The following CYB5R4 variants were observed in gnomAD, a reference collection of about 807,000 sequenced individuals.
CYB5R4 encodes N-terminal cytochrome b5 and cytochrome b5 oxidoreductase domain-containing protein.
Under a neutral mutation model 70.2 loss-of-function variants are expected in CYB5R4, and 55 were observed. The ratio of observed to expected loss-of-function variants is 0.78; its 90% confidence interval spans 0.63 to 0.98. CYB5R4 has a LOEUF of 0.98. Ranked by LOEUF, CYB5R4 falls within the 50% of genes least tolerant of loss-of-function variation. The pLI, the probability that CYB5R4 is intolerant of heterozygous loss-of-function variation, is 0.00. For synonymous variants in CYB5R4, 197 were observed against 199.5 expected, an observed-to-expected ratio of 0.99 and a Z score of 0.11; for missense variants, 562 against 612.6, an observed-to-expected ratio of 0.92 and a Z score of 0.87.
chr6:83,899,056 A>G (rs536332116), intron 3 of CYB5R4, among the ~76,000 whole-genome samples: 2 of 152,224 alleles, frequency 1.3e-5, no homozygotes, highest in Non-Finnish European at 2.9e-5. Flanking sequence ...TTTCAAAGGG[A>G]ATGCTTCCAG....
In CYB5R4 at chr6:83,962,276, C is replaced by A. The variant is rs1342287128; in HGVS notation, c.*2398C>A. 1 of 152,140 alleles carries A rather than the reference C, an allele frequency of 6.6e-6. No homozygotes were observed. Among genetic ancestry groups the A allele is most frequent in the East Asian group, 1.9e-4 (1 of 5,192 alleles). The allele number at this position is 152,140 out of a possible 1,614,324, so 9.4% of individuals were successfully genotyped here. A position where few individuals can be genotyped will look rare whatever the true frequency, so the allele number is the denominator to read the frequency against. On this transcript the variant is annotated 3_prime_UTR_variant, in exon 16 of 16. Transcript: ENST00000369681. ...CAGTCCTGATCTCCTAAAATTCATT[C>A]TCCATTCCAGGGTATTCTAGAAGGA...
At chr6:83,897,164 G>A in intron 3 of CYB5R4, among the ~76,000 whole-genome samples, 1 of 151,662 alleles carries the variant, frequency 6.6e-6, no homozygotes, top group Non-Finnish European at 1.5e-5. Context: ...TGCGGTGTTT[G>A]GTTTTTTGTC....
intron 3 of CYB5R4, among the ~76,000 whole-genome samples, chr6:83,904,560 C>T (rs2099463479): frequency 6.6e-6 from 1 of 152,132 alleles, no homozygotes; most frequent in Non-Finnish European, 1.5e-5. Context: ...GTCTGAAGTC[C>T]AGTTTAAATC....
chr6:83,959,437 C>T (rs1295108929), intron 15 of CYB5R4, among the ~76,000 whole-genome samples: 1 of 152,044 alleles, frequency 6.6e-6, no homozygotes, highest in African/African-American at 2.4e-5. Flanking sequence ...TTAGGAGACT[C>T]AACAAATAAA....
At chr6:83,920,602 T>C (rs1420113951) in intron 7 of CYB5R4, among the ~76,000 whole-genome samples, 1 of 152,084 alleles carries the variant, frequency 6.6e-6, no homozygotes, top group East Asian at 1.9e-4. Flanking sequence ...TAGAGACATC[T>C]AAAAATATGT....
At chr6:83,877,138 A>AT (rs572008248) in intron 2 of CYB5R4, among the ~76,000 whole-genome samples, 1 of 151,836 alleles carries the variant, frequency 6.6e-6, no homozygotes, top group African/African-American at 2.4e-5. Flanking sequence ...CCCTTTTAAC[A>AT]TTTTTTTATA....
intron 10 of CYB5R4, among the ~76,000 whole-genome samples, 164 bp downstream of exon 10, chr6:83,924,756 T>TC (rs976968605): frequency 6.6e-6 from 1 of 152,196 alleles, no homozygotes; most frequent in African/African-American, 2.4e-5. Flanking sequence ...TGCTTTTTTT[T>TC]CCCATAGAAG....
In CYB5R4 at chr6:83,960,703, T is replaced by G. The variant is rs2099473188; in HGVS notation, c.*825T>G. On this transcript the variant is annotated 3_prime_UTR_variant, in exon 16 of 16. Coordinates refer to ENST00000369681, the MANE Select transcript of CYB5R4 (RefSeq NM_016230.4). ...AATGGGTTGAATTTTAATTCTTTAG[T>G]CCATCTAAATCAGCTGGAAAAATGA... 6.6e-6 allele frequency: 1 copy of G among 152,232 alleles called. No homozygotes were observed. The highest frequency in any genetic ancestry group is 6.5e-5 in the Admixed American group (1 of 15,282). 9.4% of individuals were successfully genotyped at this position (152,232 alleles called of 1,614,324 possible).
At position 83,869,783 on chromosome 6, in the gene CYB5R4, A is replaced by T. The variant is rs1032017553; in HGVS notation, c.229+5455A>T. Among the ~76,000 whole-genome samples, 53 of 151,854 alleles carry T rather than the reference A, an allele frequency of 3.5e-4. 1 individual carries two copies. The highest frequency in any genetic ancestry group is 3.0e-3 in the Admixed American group (46 of 15,222). Reference sequence around the variant, plus strand: ...GGTTCCAGTCAGCCGAGATCACACCATTGCACTCCAGCCTGGGCGACAAGG... The same window carrying T: ...GGTTCCAGTCAGCCGAGATCACACCTTTGCACTCCAGCCTGGGCGACAAGG... On this transcript the variant is annotated intron_variant, in intron 2 of 15. Coordinates refer to ENST00000369681, the MANE Select transcript of CYB5R4 (RefSeq NM_016230.4).
At chr6:83,950,856 G>A (rs2099471412) in intron 14 of CYB5R4, among the ~76,000 whole-genome samples, 2 of 151,998 alleles carry the variant, frequency 1.3e-5, no homozygotes, top group South Asian at 4.2e-4. Context: ...TTAAAATAAT[G>A]TAGTCATACT....
chr6:83,910,073 C>T (rs1326768011), intron 4 of CYB5R4: 2 of 1,612,172 alleles, frequency 1.2e-6, no homozygotes, highest in Non-Finnish European at 8.5e-7. Flanking sequence ...CCTAGGCAAA[C>T]TCTGGCACCT....
chr6:83,955,145 T>G (rs2099472143), intron 14 of CYB5R4, among the ~76,000 whole-genome samples, 153 bp from the exon 15 acceptor site: 1 of 152,194 alleles, frequency 6.6e-6, no homozygotes, highest in African/African-American at 2.4e-5. Context: ...TTTTGTTAAA[T>G]CTTACAATTT....
Position 83,960,625 on chromosome 6 carries a change from G to A in CYB5R4, c.*747G>A, listed in dbSNP as rs2099473179. 1 of 152,188 alleles carries A rather than the reference G, an allele frequency of 6.6e-6. No individual in the cohort carries two copies. Among genetic ancestry groups the A allele is most frequent in the African/African-American group, 2.4e-5 (1 of 41,448 alleles). 9.4% of individuals were successfully genotyped at this position (152,188 alleles called of 1,614,324 possible). A position where few individuals can be genotyped will look rare whatever the true frequency, so the allele number is the denominator to read the frequency against. ...AAAAACAAAGACATTAGGAAAGAGA[G>A]TGAAAGTATAGTGTCTAGTTCCACA... On this transcript the variant is annotated 3_prime_UTR_variant, in exon 16 of 16. Transcript: ENST00000369681.
chr6:83,899,136 G>C (rs1588569005), intron 3 of CYB5R4, among the ~76,000 whole-genome samples: 1 of 151,990 alleles, frequency 6.6e-6, no homozygotes, highest in African/African-American at 2.4e-5. Flanking sequence ...TGAGATATGT[G>C]GCATCAGTAC....
intron 2 of CYB5R4, among the ~76,000 whole-genome samples, chr6:83,877,402 A>G (rs962558648): frequency 6.6e-6 from 1 of 152,100 alleles, no homozygotes; most frequent in African/African-American, 2.4e-5. Flanking sequence ...TGGGTAATTT[A>G]TAAAGACAAA....
intron 14 of CYB5R4, among the ~76,000 whole-genome samples, chr6:83,948,286 A>T (rs2099470964): frequency 6.6e-6 from 1 of 152,160 alleles, no homozygotes; most frequent in Admixed American, 6.5e-5. Context: ...CAAATACCGC[A>T]TGTTCTTACT....
chr6:83,916,926 T>TA (rs2099465609), intron 5 of CYB5R4, among the ~76,000 whole-genome samples: 1 of 152,160 alleles, frequency 6.6e-6, no homozygotes, highest in African/African-American at 2.4e-5. Flanking sequence ...TTTGTTCCTG[T>TA]ATAGTTTGAA....
chr6:83,961,837 A>G lies in CYB5R4; in HGVS notation c.*1959A>G, dbSNP rs1258323322. The G allele has an allele frequency of 6.6e-6, 1 of 151,804 alleles. No homozygotes were observed. Among genetic ancestry groups the G allele is most frequent in the Non-Finnish European group, 1.5e-5 (1 of 67,952 alleles). 9.4% of individuals were successfully genotyped at this position (151,804 alleles called of 1,614,324 possible). On this transcript the variant is annotated 3_prime_UTR_variant, in exon 16 of 16. Coordinates refer to ENST00000369681, the MANE Select transcript of CYB5R4 (RefSeq NM_016230.4). ...AACAGAATCTCCTATTAGTCGCTATATGTAATGCTTCCTCATTCCTCCTTT... is the reference window on the plus strand; with the variant it reads ...AACAGAATCTCCTATTAGTCGCTATGTGTAATGCTTCCTCATTCCTCCTTT...
At chr6:83,950,278 A>C (rs796843321) in intron 14 of CYB5R4, among the ~76,000 whole-genome samples, 1 of 152,220 alleles carries the variant, frequency 6.6e-6, no homozygotes, top group African/African-American at 2.4e-5. Context: ...CCACATTCCA[A>C]GTCTAGCAAA....
Sources: allele counts gnomAD v4.1 joint callset (sites outside exome capture counted in the v4.1 genomes callset), GRCh38; gene constraint gnomAD v4.1.1; transcripts MANE v1.5; gene names NCBI Gene and HGNC (gene_info 2026-07-23, HGNC 2026-07-21).